Variants in TAFA5 observed in about 807,000 individuals in gnomAD.
The protein encoded by TAFA5 is TAFA chemokine like family member 5.
In TAFA5, 6 loss-of-function variants were observed where a neutral mutation model predicts 15.3. The ratio of observed to expected loss-of-function variants is 0.39; its 90% confidence interval spans 0.21 to 0.77. TAFA5 has a LOEUF of 0.77. TAFA5 is among the 30% of genes least tolerant of loss of function. The pLI is 0.41. For missense variants in TAFA5, 161 were observed against 193.1 expected, an observed-to-expected ratio of 0.83 and a Z score of 0.98; for synonymous variants, 103 against 80.7, an observed-to-expected ratio of 1.28 and a Z score of -1.48.
intron 1 of TAFA5, among the ~76,000 whole-genome samples, chr22:48,641,469 T>A (rs1211084723): frequency 6.6e-6 from 1 of 152,122 alleles, no homozygotes; most frequent in Non-Finnish European, 1.5e-5. Flanking sequence ...ACTGCCTTTC[T>A]AAGAAAACTC....
chr22:48,676,106 A>G (rs1198810560), intron 2 of TAFA5, among the ~76,000 whole-genome samples: 2 of 152,244 alleles, frequency 1.3e-5, no homozygotes, highest in Non-Finnish European at 2.9e-5. Flanking sequence ...CAGAGGGCTC[A>G]CAGGCAGCCT....
intron 2 of TAFA5, among the ~76,000 whole-genome samples, chr22:48,696,363 T>G (rs946744992): frequency 6.6e-6 from 1 of 152,092 alleles, no homozygotes; most frequent in African/African-American, 2.4e-5. Context: ...ACTCCTTCCT[T>G]CCATCCTTCC....
intron 3 of TAFA5, among the ~76,000 whole-genome samples, chr22:48,709,692 C>T (rs546885208): frequency 6.6e-6 from 1 of 152,222 alleles, no homozygotes; most frequent in Admixed American, 6.5e-5. Context: ...GGCTGCACCC[C>T]TTCAGGAACG....
intron 1 of TAFA5, among the ~76,000 whole-genome samples, chr22:48,573,543 A>G (rs985260420): frequency 6.6e-6 from 1 of 152,164 alleles, no homozygotes; most frequent in Non-Finnish European, 1.5e-5. Context: ...CGGAAGCCCT[A>G]CACGAGGTTC....
intron 1 of TAFA5, chr22:48,544,694 G>A (rs78011702): frequency 2.1e-5 from 10 of 471,154 alleles, no homozygotes; most frequent in Middle Eastern, 6.5e-4. Flanking sequence ...GTGTCCCTGC[G>A]TGCCCGCAGA....
At chr22:48,661,358 G>A (rs1199317759) in intron 2 of TAFA5, among the ~76,000 whole-genome samples, 1 of 152,222 alleles carries the variant, frequency 6.6e-6, no homozygotes, top group South Asian at 2.1e-4. Context: ...TACAGAAGAA[G>A]GCTGGGCTGA....
intron 1 of TAFA5, chr22:48,576,538 G>T (rs1569031550): frequency 1.3e-6 from 2 of 1,517,438 alleles, no homozygotes; most frequent in African/African-American, 1.4e-5. Context: ...CTGCTTCCTC[G>T]TCCTAGTGAT....
chr22:48,676,669 C>T (rs1422278851), intron 2 of TAFA5, among the ~76,000 whole-genome samples: 2 of 152,240 alleles, frequency 1.3e-5, no homozygotes, highest in Non-Finnish European at 2.9e-5. Flanking sequence ...CTGGAGCCAC[C>T]CTCTCCCCAG....
intron 3 of TAFA5, among the ~76,000 whole-genome samples, chr22:48,712,876 G>A (rs1929294918): frequency 6.6e-6 from 1 of 152,246 alleles, no homozygotes; most frequent in African/African-American, 2.4e-5. Flanking sequence ...GGACAGGCAG[G>A]GCTGGTGGGG....
intron 1 of TAFA5, among the ~76,000 whole-genome samples, chr22:48,515,420 G>T (rs1921369160): frequency 6.6e-6 from 1 of 152,136 alleles, no homozygotes; most frequent in Admixed American, 6.5e-5. Flanking sequence ...CCCCTGCAGG[G>T]GACCCTTCTC....
chr22:48,509,040 C>T (rs1037359683), intron 1 of TAFA5, among the ~76,000 whole-genome samples: 8 of 152,294 alleles, frequency 5.3e-5, no homozygotes, highest in African/African-American at 1.7e-4. Context: ...TTAGCTCTTA[C>T]GTATGAATGA....
chr22:48,693,239 A>G, intron 2 of TAFA5: 1 of 1,506,398 alleles, frequency 6.6e-7, no homozygotes, highest in Non-Finnish European at 9.0e-7. Context: ...TGGCAGGATG[A>G]GTCCAGAGCC....
At chr22:48,680,015 G>A (rs1488481450) in intron 2 of TAFA5, among the ~76,000 whole-genome samples, 1 of 152,228 alleles carries the variant, frequency 6.6e-6, no homozygotes, top group Non-Finnish European at 1.5e-5. Flanking sequence ...ACCCCCAGGA[G>A]TCACAGAGGC....
At chr22:48,654,765 C>G (rs1292115334) in intron 2 of TAFA5, among the ~76,000 whole-genome samples, 1 of 151,844 alleles carries the variant, frequency 6.6e-6, no homozygotes, top group Non-Finnish European at 1.5e-5. Flanking sequence ...CTGGGAGGAG[C>G]TCCTGTGTGA....
intron 2 of TAFA5, among the ~76,000 whole-genome samples, chr22:48,694,156 T>A (rs1928628569): frequency 6.6e-6 from 1 of 152,164 alleles, no homozygotes; most frequent in Non-Finnish European, 1.5e-5. Context: ...TTCTGTAATG[T>A]GAAGATGAAG....
chr22:48,600,759 G>A (rs1304638354), intron 1 of TAFA5, among the ~76,000 whole-genome samples: 2 of 152,170 alleles, frequency 1.3e-5, no homozygotes, highest in Admixed American at 6.5e-5. Flanking sequence ...ATGGTCCCAC[G>A]CTGTTCCACT....
chr22:48,581,459 G>A (rs548923951), intron 1 of TAFA5, among the ~76,000 whole-genome samples: 1 of 152,358 alleles, frequency 6.6e-6, no homozygotes, highest in Admixed American at 6.5e-5. Flanking sequence ...GTGCGAGAAA[G>A]CCGTGCGGAG....
intron 3 of TAFA5, among the ~76,000 whole-genome samples, chr22:48,730,113 G>A (rs1009962551): frequency 6.6e-6 from 1 of 152,200 alleles, no homozygotes; most frequent in Admixed American, 6.5e-5. Context: ...GGCTGGGCAC[G>A]GTGGCTTACG....
intron 2 of TAFA5, among the ~76,000 whole-genome samples, chr22:48,691,637 C>G (rs888698863): frequency 1.3e-5 from 2 of 152,226 alleles, no homozygotes; most frequent in Non-Finnish European, 2.9e-5. Context: ...GCTGCAGGCG[C>G]TCAGTCCTGC....
Sources: gnomAD v4.1 joint callset for allele counts (sites outside exome capture counted in the v4.1 genomes callset) on GRCh38, gnomAD v4.1.1 for gene constraint, MANE v1.5 for transcripts, NCBI Gene and HGNC (gene_info 2026-07-23, HGNC 2026-07-21) for gene names.